USH2A: variants seen among roughly 807,000 people sequenced by gnomAD.
The protein encoded by USH2A is Usher syndrome 2A (autosomal recessive, mild).
Under a neutral mutation model 538.9 loss-of-function variants are expected in USH2A, and 443 were observed. The observed-to-expected ratio is 0.82, with a 90% confidence interval of 0.76 to 0.89. USH2A has a LOEUF of 0.89. Among genes scored for constraint, USH2A ranks in the 40% least tolerant of loss-of-function variants. The pLI is 0.00. For missense variants in USH2A, 6,633 were observed against 6,324.8 expected, an observed-to-expected ratio of 1.05 and a Z score of -1.65; for synonymous variants, 2,413 against 2,273.5, an observed-to-expected ratio of 1.06 and a Z score of -1.75.
At chr1:215,747,204 T>C (rs1660495715) in intron 58 of USH2A, among the ~76,000 whole-genome samples, 2 of 152,204 alleles carry the variant, frequency 1.3e-5, no homozygotes, top group South Asian at 2.1e-4. Context: ...GTGGATTTTC[T>C]ACCCTAGACA....
chr1:215,774,580 T>C (rs76209529), intron 55 of USH2A, among the ~76,000 whole-genome samples: 2,805 of 152,184 alleles, frequency 0.018, 90 homozygotes, highest in African/African-American at 0.063. Flanking sequence ...AAGTTCAGTG[T>C]TATGCTAGAC....
chr1:215,694,396 A>G (rs1658728161), intron 61 of USH2A, among the ~76,000 whole-genome samples: 1 of 151,980 alleles, frequency 6.6e-6, no homozygotes, highest in Non-Finnish European at 1.5e-5. Flanking sequence ...ACACTGTGAA[A>G]CCCCGTTTCT....
intron 38 of USH2A, among the ~76,000 whole-genome samples, chr1:215,926,614 C>CTTTTTT (rs10673615): frequency 0.085 from 6,431 of 75,752 alleles, 857 homozygotes; most frequent in African/African-American, 0.093. Flanking sequence ...ACCTACCTAT[C>CTTTTTT]TTTTTTTTTT....
intron 32 of USH2A, among the ~76,000 whole-genome samples, chr1:216,028,899 C>G (rs948897296): frequency 6.6e-6 from 1 of 151,860 alleles, no homozygotes; most frequent in South Asian, 2.1e-4. Context: ...ACAGTCTGGT[C>G]CCAATTATAT....
At chr1:215,862,398 A>G (rs551915812) in intron 44 of USH2A, among the ~76,000 whole-genome samples, 48 of 150,286 alleles carry the variant, frequency 3.2e-4, no homozygotes, top group African/African-American at 1.0e-3. Context: ...GGAACATCAC[A>G]CACCGGGGCC....
intron 35 of USH2A, among the ~76,000 whole-genome samples, chr1:215,992,304 CTA>C (rs760376530): frequency 2.0e-5 from 3 of 152,078 alleles, no homozygotes; most frequent in Non-Finnish European, 4.4e-5. Context: ...AACAATGGTA[CTA>C]TGTTATATGA....
intron 21 of USH2A, among the ~76,000 whole-genome samples, chr1:216,116,080 ACT>A (rs2033001455): frequency 6.6e-6 from 1 of 151,574 alleles, no homozygotes; most frequent in Non-Finnish European, 1.5e-5. Flanking sequence ...ATCATTACTT[ACT>A]CTGTGTTTCT....
At chr1:216,027,034 G>T (rs770750196) in intron 32 of USH2A, among the ~76,000 whole-genome samples, 1 of 152,074 alleles carries the variant, frequency 6.6e-6, no homozygotes, top group African/African-American at 2.4e-5. Context: ...TACTACCTTG[G>T]TGAGTAATAG....
At position 216,304,827 on chromosome 1, in the gene USH2A, G is replaced by C. The variant is rs144020093; in HGVS notation, c.1645-12457C>G. On this transcript the variant is annotated intron_variant, in intron 9 of 71. Coordinates refer to ENST00000307340, the MANE Select transcript of USH2A (RefSeq NM_206933.4). The stretch of plus-strand genomic sequence containing the variant: ...AATTTCTATGTATTTGCATGGTTTT[G>C]AGGGTTCCTTTTTGAGTCGATTTCC... Among the ~76,000 whole-genome samples, 596 of 151,774 alleles carry C rather than the reference G, an allele frequency of 3.9e-3. 4 individuals are homozygous for C. The highest frequency in any genetic ancestry group is 0.014 in the African/African-American group (563 of 41,422).
chr1:216,168,276 AT>A (rs571060140), intron 21 of USH2A, among the ~76,000 whole-genome samples: 1 of 151,988 alleles, frequency 6.6e-6, no homozygotes, highest in African/African-American at 2.4e-5. Flanking sequence ...AAGCAACAGC[AT>A]TTTTTTTAAG....
chr1:216,090,335 TACA>T (rs1473730470), intron 22 of USH2A, among the ~76,000 whole-genome samples: 2 of 150,378 alleles, frequency 1.3e-5, no homozygotes, highest in Non-Finnish European at 1.5e-5. Flanking sequence ...GCTTCAGTGA[TACA>T]ACATGTCCAC....
At chr1:215,785,692 TA>T (rs1290918403) in intron 52 of USH2A, among the ~76,000 whole-genome samples, 1 of 152,156 alleles carries the variant, frequency 6.6e-6, no homozygotes. Flanking sequence ...ACATTGAGAC[TA>T]AATAATGTTC....
chr1:216,267,848 A>G (rs2036505392), intron 11 of USH2A, among the ~76,000 whole-genome samples: 2 of 152,126 alleles, frequency 1.3e-5, no homozygotes, highest in Admixed American at 6.6e-5. Context: ...CATTGATCCC[A>G]CAGTATACAT....
intron 46 of USH2A, among the ~76,000 whole-genome samples, chr1:215,841,895 C>T (rs114173389): frequency 0.013 from 1,956 of 152,154 alleles, 52 homozygotes; most frequent in African/African-American, 0.045. Context: ...CATGAACAGA[C>T]ACGTCTCCAA....
chr1:216,384,832 C>G lies in USH2A; in HGVS notation c.652-19747G>C, dbSNP rs981467665. Among the ~76,000 whole-genome samples the G allele has an allele frequency of 2.4e-4, 36 of 152,196 alleles. 1 individual carries two copies. Among genetic ancestry groups the G allele is most frequent in the Admixed American group, 1.5e-3 (23 of 15,286 alleles). ...CTACTAAAGATATTTTCCTTGTGGG[C>G]TAGGCTAGAAGTGAAGAAACTGAAC... On this transcript the variant is annotated intron_variant, in intron 3 of 71. Coordinates refer to ENST00000307340, the MANE Select transcript of USH2A (RefSeq NM_206933.4).
intron 42 of USH2A, 140 bp downstream of exon 42, chr1:215,878,624 G>T: frequency 1.3e-6 from 1 of 795,340 alleles, no homozygotes; most frequent in Non-Finnish European, 2.1e-6. Context: ...GTATGATAGT[G>T]TATGAAAGTT....
chr1:216,209,357 C>T (rs1454687850), intron 15 of USH2A, among the ~76,000 whole-genome samples: 2 of 152,166 alleles, frequency 1.3e-5, no homozygotes, highest in African/African-American at 4.8e-5. Flanking sequence ...CTCTTAGCAG[C>T]TGAAATCAAC....
At chr1:216,132,212 C>G (rs533013659) in intron 21 of USH2A, among the ~76,000 whole-genome samples, 20 of 152,114 alleles carry the variant, frequency 1.3e-4, no homozygotes, top group Non-Finnish European at 2.4e-4. Flanking sequence ...CCTGGGAAGA[C>G]TGCTCTTTCA....
At chr1:215,894,910 T>C (rs905659523) in intron 40 of USH2A, among the ~76,000 whole-genome samples, 4 of 152,186 alleles carry the variant, frequency 2.6e-5, no homozygotes, top group Non-Finnish European at 4.4e-5. Flanking sequence ...ATTTGAACTT[T>C]GATATTAAAG....
Sources: allele counts gnomAD v4.1 joint callset (sites outside exome capture counted in the v4.1 genomes callset), GRCh38; gene constraint gnomAD v4.1.1; transcripts MANE v1.5; gene names NCBI Gene and HGNC (gene_info 2026-07-23, HGNC 2026-07-21).